Variants in RFX3 observed in about 807,000 individuals in gnomAD.
RFX3 encodes the protein regulatory factor X3.
A neutral mutation model predicts 98.6 loss-of-function variants in RFX3; 14 were observed. That is an observed-to-expected ratio of 0.14 (90% CI 0.09 to 0.22). The LOEUF is 0.22. RFX3 is among the 10% of genes least tolerant of loss of function. RFX3 has a pLI of 1.00. For missense variants in RFX3, 639 were observed against 926.9 expected (o/e 0.69, Z 4.03); for synonymous variants, 383 against 328.4 (o/e 1.17, Z -1.80).
chr9:3,300,557 G>A (rs778773134), intron 5 of RFX3, among the ~76,000 whole-genome samples: 12 of 151,544 alleles, frequency 7.9e-5, no homozygotes, highest in Non-Finnish European at 1.3e-4. Flanking sequence ...GAAAAAAATG[G>A]TCTTATTTGG....
At chr9:3,504,936 ATATATATAATATAATATATAT>A (rs1816730663) in intron 1 of RFX3, among the ~76,000 whole-genome samples, 1 of 18,910 alleles carries the variant, frequency 5.3e-5, no homozygotes, top group Non-Finnish European at 1.1e-4. Flanking sequence ...ATTATATATA[ATATATATAATATAATATATAT>A]TATATATAAT....
intron 3 of RFX3, among the ~76,000 whole-genome samples, chr9:3,335,907 C>G (rs1833122886): frequency 6.6e-6 from 1 of 152,176 alleles, no homozygotes; most frequent in Non-Finnish European, 1.5e-5. Flanking sequence ...ATATTCCCTA[C>G]TTACTTATTC....
At chr9:3,270,290 G>A in intron 11 of RFX3, 81 bp downstream of exon 11, 1 of 1,343,968 alleles carries the variant, frequency 7.4e-7, no homozygotes, top group Non-Finnish European at 1.0e-6. Context: ...AATCATTCTA[G>A]ATTGCAATGT....
Position 3,219,579 on chromosome 9 carries a change from A to G in RFX3, c.*5463T>C, listed in dbSNP as rs183065021. 1 of 152,314 alleles carries G rather than the reference A, an allele frequency of 6.6e-6. No individual in the cohort carries two copies. Among genetic ancestry groups the G allele is most frequent in the East Asian group, 1.9e-4 (1 of 5,182 alleles). 9.4% of individuals were successfully genotyped at this position (152,314 alleles called of 1,614,324 possible). Reference sequence around the variant, plus strand: ...TTATTTCAAATGAAAGGAAAAAAAAATCCTAGGCAGTCACTTTGTAAGTGG... The same window carrying G: ...TTATTTCAAATGAAAGGAAAAAAAAGTCCTAGGCAGTCACTTTGTAAGTGG... On this transcript the variant is annotated 3_prime_UTR_variant, in exon 17 of 17. Coordinates refer to ENST00000617270, the MANE Select transcript of RFX3 (RefSeq NM_001282116.2).
Position 3,525,807 on chromosome 9 carries a change from AGG to A in RFX3, c.-71_-70del. On this transcript the variant is annotated 5_prime_UTR_variant, in exon 1 of 17. Coordinates refer to ENST00000617270, the MANE Select transcript of RFX3 (RefSeq NM_001282116.2). ...GATGGAGATGGTGGTGGTGGGGAGG[AGG>A]AGGAGGAAGAGGAGGAGGAGGAGGA... The A allele has an allele frequency of 1.5e-6, 1 of 686,700 alleles. No individual in the cohort carries two copies. The highest frequency in any genetic ancestry group is 1.8e-6 in the Non-Finnish European group (1 of 560,054). The allele number at this position is 686,700 out of a possible 1,614,324, so 42.5% of individuals were successfully genotyped here.
intron 1 of RFX3, among the ~76,000 whole-genome samples, chr9:3,411,658 G>GTGT (rs1842477795): frequency 7.0e-6 from 1 of 143,232 alleles, no homozygotes; most frequent in African/African-American, 2.6e-5. Flanking sequence ...GTGTGTGTGT[G>GTGT]TTTTTTTTTT....
chr9:3,373,928 C>T lies in RFX3; in HGVS notation c.117+21544G>A, dbSNP rs147820037. Among the ~76,000 whole-genome samples, 842 of 152,086 alleles carry T rather than the reference C, an allele frequency of 5.5e-3. 9 individuals are homozygous for T. The highest frequency in any genetic ancestry group is 8.1e-3 in the Admixed American group (124 of 15,264). ...CCCGTCTCTAATAAAAATACAAAAACTTAGCCAGGAGTGGTGGCATGCGCC... is the reference window on the plus strand; with the variant it reads ...CCCGTCTCTAATAAAAATACAAAAATTTAGCCAGGAGTGGTGGCATGCGCC... On this transcript the variant is annotated intron_variant, in intron 2 of 16. Coordinates refer to ENST00000617270, the MANE Select transcript of RFX3 (RefSeq NM_001282116.2).
At chr9:3,496,803 G>A (rs186452723) in intron 1 of RFX3, among the ~76,000 whole-genome samples, 1 of 151,974 alleles carries the variant, frequency 6.6e-6, no homozygotes, top group South Asian at 2.1e-4. Context: ...AATTTTGCAA[G>A]CTAACACACT....
At chr9:3,245,655 G>A (rs1244564277) in intron 15 of RFX3, among the ~76,000 whole-genome samples, 4 of 152,210 alleles carry the variant, frequency 2.6e-5, no homozygotes, top group Admixed American at 6.5e-5. Flanking sequence ...GCCATTTACT[G>A]AGAAAGAGCC....
intron 1 of RFX3, among the ~76,000 whole-genome samples, chr9:3,502,158 C>T (rs1816096947): frequency 6.6e-6 from 1 of 150,988 alleles, no homozygotes; most frequent in Non-Finnish European, 1.5e-5. Context: ...ACTCGAGAAG[C>T]TGAGGCAGGA....
intron 10 of RFX3, 62 bp downstream of exon 10, chr9:3,270,941 A>C (rs766462630): frequency 6.2e-7 from 1 of 1,610,154 alleles, no homozygotes; most frequent in Non-Finnish European, 8.5e-7. Flanking sequence ...CATATCTCTA[A>C]TTTATTAGTT....
At chr9:3,439,423 G>C (rs1029942495) in intron 1 of RFX3, among the ~76,000 whole-genome samples, 1 of 151,932 alleles carries the variant, frequency 6.6e-6, no homozygotes, top group Non-Finnish European at 1.5e-5. Flanking sequence ...CCTCTAGACA[G>C]ACTGATCTGA....
chr9:3,330,571 A>G, intron 3 of RFX3, 54 bp from the exon 4 acceptor site: 2 of 1,500,418 alleles, frequency 1.3e-6, no homozygotes, highest in South Asian at 2.5e-5. Context: ...TCATCTTATT[A>G]ATTTTTTTCT....
intron 2 of RFX3, among the ~76,000 whole-genome samples, chr9:3,363,543 T>C (rs988854071): frequency 2.0e-5 from 3 of 152,208 alleles, no homozygotes; most frequent in Admixed American, 2.0e-4. Context: ...ATAGTCTAAA[T>C]AGCAGAACTT....
chr9:3,308,113 T>A (rs1306636959), intron 4 of RFX3, among the ~76,000 whole-genome samples: 2 of 152,180 alleles, frequency 1.3e-5, no homozygotes, highest in African/African-American at 4.8e-5. Context: ...ATACACTGCC[T>A]ATATGTAATC....
intron 1 of RFX3, among the ~76,000 whole-genome samples, chr9:3,437,574 G>C (rs537606858): frequency 4.6e-5 from 7 of 152,228 alleles, no homozygotes; most frequent in African/African-American, 1.7e-4. Context: ...ACTTGGAGAA[G>C]TTATTTTTCT....
At chr9:3,412,465 A>G (rs1372948581) in intron 1 of RFX3, among the ~76,000 whole-genome samples, 1 of 152,354 alleles carries the variant, frequency 6.6e-6, no homozygotes, top group East Asian at 1.9e-4. Flanking sequence ...AGTAAAAGAA[A>G]GGCTTCAAAC....
At position 3,229,002 on chromosome 9, in the gene RFX3, G is replaced by A. The variant is rs1586649839; in HGVS notation, c.1969-113C>T. On this transcript the variant is annotated intron_variant, in intron 15 of 16. Coordinates refer to ENST00000617270, the MANE Select transcript of RFX3 (RefSeq NM_001282116.2). Reference sequence around the variant, plus strand: ...TGACTCTTTAAAACTGTAAACTAGTGGCCATTTTGATCTCTAATTACATGG... The same window carrying A: ...TGACTCTTTAAAACTGTAAACTAGTAGCCATTTTGATCTCTAATTACATGG... The A allele has an allele frequency of 1.1e-5, 9 of 794,550 alleles. No individual in the cohort carries two copies. In the East Asian group the frequency reaches 2.5e-4, roughly 22 times the overall value. 49.2% of individuals were successfully genotyped at this position (794,550 alleles called of 1,614,324 possible).
intron 1 of RFX3, among the ~76,000 whole-genome samples, chr9:3,497,621 A>G (rs890890472): frequency 9.9e-5 from 15 of 151,886 alleles, no homozygotes; most frequent in African/African-American, 3.4e-4. Context: ...TCAATGGGAA[A>G]TGCCACTGTG....
Sources: gnomAD v4.1 joint callset for allele counts (sites outside exome capture counted in the v4.1 genomes callset) on GRCh38, gnomAD v4.1.1 for gene constraint, MANE v1.5 for transcripts, NCBI Gene and HGNC (gene_info 2026-07-23, HGNC 2026-07-21) for gene names.